Variants in KCNQ1 observed in about 807,000 individuals in gnomAD.
The protein encoded by KCNQ1 is potassium voltage-gated channel subfamily KQT member 1.
A neutral mutation model predicts 72.4 loss-of-function variants in KCNQ1; 49 were observed. The ratio of observed to expected loss-of-function variants is 0.68; its 90% CI spans 0.54 to 0.86. The LOEUF (loss-of-function observed/expected upper bound fraction) is 0.86. Ranked by LOEUF, KCNQ1 falls within the 40% of genes least tolerant of loss-of-function variation. The probability of loss-of-function intolerance (pLI) is 0.00; values close to 1 mark genes in which losing one functional copy is unlikely to be tolerated. For synonymous variants in KCNQ1, 450 were observed against 412.6 expected (o/e 1.09, Z -1.10); for missense variants, 790 against 945.1 (o/e 0.84, Z 2.15).
At chr11:2,656,332 T>C (rs528862818) in intron 10 of KCNQ1, 46 of 398,524 alleles carry the variant, frequency 1.2e-4, no homozygotes, top group Non-Finnish European at 1.9e-4. Context: ...GACCTGTGGG[T>C]CTCCAAATCT....
At chr11:2,535,715 A>G (rs1279169534) in intron 2 of KCNQ1, among the ~76,000 whole-genome samples, 3 of 152,220 alleles carry the variant, frequency 2.0e-5, no homozygotes. Context: ...GAGGGCGGTC[A>G]GGTGACTGGT....
rs1554925306 is a variant in KCNQ1, at chr11:2,803,162, C to CGG, written c.1794+25125_1794+25126insGG. On this transcript the variant is annotated intron_variant, in intron 15 of 15. Coordinates refer to ENST00000155840, the MANE Select transcript of KCNQ1 (RefSeq NM_000218.3). This position sits in a 1 kb window ranked among gnomAD's most constrained non-coding sequence, Gnocchi z 6.4. ...CCAGAAAACCCAGCCGGGCCCCCCC[C>CGG]CCCACGGGCACCCAGGAACCGCCCT... Among the ~76,000 whole-genome samples the CGG allele has an allele frequency of 9.8e-6, 1 of 102,264 alleles. No individual in the cohort carries two copies. Among genetic ancestry groups the CGG allele is most frequent in the East Asian group, 3.4e-4 (1 of 2,910 alleles). 67.1% of individuals were successfully genotyped at this position (102,264 alleles called of 152,430 possible).
chr11:2,596,483 T>C (rs1167851282), intron 10 of KCNQ1, among the ~76,000 whole-genome samples: 2 of 152,080 alleles, frequency 1.3e-5, no homozygotes, highest in African/African-American at 2.4e-5. Context: ...AGTTGTAGTA[T>C]ATTCCTAAAA....
Position 2,608,730 on chromosome 11 carries a change from T to A in KCNQ1, c.1393+19876T>A. On this transcript the variant is annotated intron_variant, in intron 10 of 15. Coordinates refer to ENST00000155840, the MANE Select transcript of KCNQ1 (RefSeq NM_000218.3). The surrounding 1 kb of genome is among the most constrained non-coding windows in gnomAD (Gnocchi z 4.6). ...TCTCGAACTCCTGGCCACAAGCAAT[T>A]CTCCTGCCTTGGCCTCCCAAAGTGC... 2 of 397,848 alleles carry A rather than the reference T, an allele frequency of 5.0e-6. No homozygotes were observed. The highest frequency in any genetic ancestry group is 8.8e-6 in the Non-Finnish European group (2 of 226,076). 24.6% of individuals were successfully genotyped at this position (397,848 alleles called of 1,614,324 possible). A position where few individuals can be genotyped will look rare whatever the true frequency, so the allele number is the denominator to read the frequency against.
chr11:2,770,428 C>T (rs1846573641), intron 12 of KCNQ1, among the ~76,000 whole-genome samples: 1 of 152,252 alleles, frequency 6.6e-6, no homozygotes, highest in Non-Finnish European at 1.5e-5. Context: ...CTCTGAGCCC[C>T]AAGAGCAGCC....
chr11:2,514,684 G>A (rs1016146844), intron 1 of KCNQ1, among the ~76,000 whole-genome samples: 23 of 152,326 alleles, frequency 1.5e-4, no homozygotes, highest in African/African-American at 5.3e-4. Context: ...AAATTAGCCC[G>A]GCGTGGTGGC....
intron 6 of KCNQ1, among the ~76,000 whole-genome samples, chr11:2,574,261 C>T (rs1032921341): frequency 6.6e-6 from 1 of 152,208 alleles, no homozygotes; most frequent in Non-Finnish European, 1.5e-5. Flanking sequence ...CCGAGAAGCC[C>T]AAGTGCCGAG....
At chr11:2,777,527 A>G in intron 14 of KCNQ1, 1 of 534,154 alleles carries the variant, frequency 1.9e-6, no homozygotes, top group South Asian at 3.1e-5. Flanking sequence ...ATTCCGGGGA[A>G]TGACAGGGAA....
chr11:2,691,304 A>G lies in KCNQ1; in HGVS notation c.1514+29223A>G. On this transcript the variant is annotated intron_variant, in intron 11 of 15. Coordinates refer to ENST00000155840, the MANE Select transcript of KCNQ1 (RefSeq NM_000218.3). The surrounding 1 kb of genome is among the most constrained non-coding windows in gnomAD (Gnocchi z 6.4). ...AAGGAGAGCTGACAAGAAAAAGGCGATGTCTCACCCCTGAGCTACAATCCA... is the reference window on the plus strand; with the variant it reads ...AAGGAGAGCTGACAAGAAAAAGGCGGTGTCTCACCCCTGAGCTACAATCCA... 5.0e-6 allele frequency: 2 copies of G among 398,586 alleles called. No individual in the cohort carries two copies. Among genetic ancestry groups the G allele is most frequent in the Non-Finnish European group, 8.8e-6 (2 of 226,076 alleles). 24.7% of individuals were successfully genotyped at this position (398,586 alleles called of 1,614,324 possible).
chr11:2,561,574 G>T (rs918769746), intron 2 of KCNQ1, among the ~76,000 whole-genome samples: 7 of 152,246 alleles, frequency 4.6e-5, no homozygotes, highest in African/African-American at 1.4e-4. Flanking sequence ...TGTGGATGCT[G>T]AGCACAGAGA....
chr11:2,762,861 A>T lies in KCNQ1; in HGVS notation c.1515-5983A>T, dbSNP rs1846428153. On this transcript the variant is annotated intron_variant, in intron 11 of 15. Transcript: ENST00000155840. This position sits in a 1 kb window ranked among gnomAD's most constrained non-coding sequence, Gnocchi z 4.3. ...TCCACGAAACTGGTCCCTGGTGCCA[A>T]AAAGGTTGGGGAACCACTGCCCTAT... is the stretch of plus-strand genomic sequence containing the variant. Among the ~76,000 whole-genome samples the T allele has an allele frequency of 6.6e-6, 1 of 152,128 alleles. No homozygotes were observed. The highest frequency in any genetic ancestry group is 1.5e-5 in the Non-Finnish European group (1 of 68,024).
At chr11:2,771,421 T>C (rs1450806315) in intron 12 of KCNQ1, 2 of 152,196 alleles carry the variant, frequency 1.3e-5, no homozygotes, top group East Asian at 1.9e-4. Flanking sequence ...TGCAATTTCA[T>C]GTTGTTGGAG....
Position 2,652,641 on chromosome 11 carries a change from T to A in KCNQ1, c.1394-9320T>A. 2.5e-6 allele frequency: 1 copy of A among 398,686 alleles called. No individual in the cohort carries two copies. The highest frequency in any genetic ancestry group is 4.4e-6 in the Non-Finnish European group (1 of 226,154). 24.7% of individuals were successfully genotyped at this position (398,686 alleles called of 1,614,324 possible). ...GTCTTGGGAGACCTAGACAGTGACT[T>A]CCTGCAGCATGGAGACCCGGGTGGG... On this transcript the variant is annotated intron_variant, in intron 10 of 15. Transcript: ENST00000155840. The surrounding 1 kb of genome is among the most constrained non-coding windows in gnomAD (Gnocchi z 5.9).
At chr11:2,628,784 CT>C in intron 10 of KCNQ1, 1 of 398,380 alleles carries the variant, frequency 2.5e-6, no homozygotes, top group Non-Finnish European at 4.4e-6. Context: ...ATCTTATTCA[CT>C]TTTCTCTACA....
At position 2,482,487 on chromosome 11, in the gene KCNQ1, C is replaced by G. The variant is rs757403299; in HGVS notation, c.386+37003C>G. On this transcript the variant is annotated intron_variant, in intron 1 of 15. Coordinates refer to ENST00000155840, the MANE Select transcript of KCNQ1 (RefSeq NM_000218.3). This position sits in a 1 kb window ranked among gnomAD's most constrained non-coding sequence, Gnocchi z 5.7. ...TGTACACTCATTTTTGCCTGGAACT[C>G]AAGATTATTTCCTTGGGTCACATTT... 1.3e-5 allele frequency among the ~76,000 whole-genome samples: 2 copies of G among 152,092 alleles called. No homozygotes were observed. The highest frequency in any genetic ancestry group is 2.9e-5 in the Non-Finnish European group (2 of 68,020).
chr11:2,790,640 C>G (rs1441085855), intron 15 of KCNQ1, among the ~76,000 whole-genome samples: 1 of 152,240 alleles, frequency 6.6e-6, no homozygotes, highest in Admixed American at 6.5e-5. Flanking sequence ...GGCTGTGAGA[C>G]TCGGCGAGTC....
chr11:2,640,568 T>TA (rs1849557617), intron 10 of KCNQ1: 1 of 387,236 alleles, frequency 2.6e-6, no homozygotes, highest in African/African-American at 2.1e-5. Flanking sequence ...TTTCCTTTTT[T>TA]TTTTTTTTTT....
In KCNQ1 at chr11:2,683,373, C is replaced by T. The variant is rs1314722851; in HGVS notation, c.1514+21292C>T. The T allele has an allele frequency of 1.8e-5, 7 of 398,522 alleles. No individual in the cohort carries two copies. The highest frequency in any genetic ancestry group is 4.4e-5 in the Admixed American group (1 of 22,716). The allele number at this position is 398,522 out of a possible 1,614,324, so 24.7% of individuals were successfully genotyped here. ...TGCCTGCCACTGCTGTCTGCAAATGCAGGTTCCTGGGGCTCTGGGTGGTTT... is the reference window on the plus strand; with the variant it reads ...TGCCTGCCACTGCTGTCTGCAAATGTAGGTTCCTGGGGCTCTGGGTGGTTT... On this transcript the variant is annotated intron_variant, in intron 11 of 15. Coordinates refer to ENST00000155840, the MANE Select transcript of KCNQ1 (RefSeq NM_000218.3). This position sits in a 1 kb window ranked among gnomAD's most constrained non-coding sequence, Gnocchi z 4.7.
At position 2,494,393 on chromosome 11, in the gene KCNQ1, A is replaced by C. The variant is rs1846878659; in HGVS notation, c.387-33535A>C. Among the ~76,000 whole-genome samples, 1 of 151,958 alleles carries C rather than the reference A, an allele frequency of 6.6e-6. No homozygotes were observed. The highest frequency in any genetic ancestry group is 1.5e-5 in the Non-Finnish European group (1 of 68,004). On this transcript the variant is annotated intron_variant, in intron 1 of 15. Transcript: ENST00000155840. The surrounding 1 kb of genome is among the most constrained non-coding windows in gnomAD (Gnocchi z 4.6). ...AACTTCCAATACTATGTTGAATGGGAGTGGTGAGAGAGGGCATCCTTGTCT... is the reference window on the plus strand; with the variant it reads ...AACTTCCAATACTATGTTGAATGGGCGTGGTGAGAGAGGGCATCCTTGTCT...
Sources: allele counts gnomAD v4.1 joint callset (sites outside exome capture counted in the v4.1 genomes callset), GRCh38; gene constraint gnomAD v4.1.1; non-coding constraint Gnocchi (gnomAD v3.1); transcripts MANE v1.5; gene names NCBI Gene and HGNC (gene_info 2026-07-23, HGNC 2026-07-21).